Variants in FOXP2 observed in about 807,000 individuals in gnomAD.
FOXP2 encodes the protein forkhead box protein P2.
A neutral mutation model predicts 115.8 loss-of-function variants in FOXP2; 12 were observed. That is an observed-to-expected ratio of 0.10 (90% CI 0.07 to 0.17). The LOEUF (loss-of-function observed/expected upper bound fraction) is 0.17, where lower values mean the gene tolerates loss of function less well. Among genes scored for constraint, FOXP2 ranks in the 10% least tolerant of loss-of-function variants. The pLI, the probability that FOXP2 is intolerant of heterozygous loss-of-function variation, is 1.00. For synonymous variants in FOXP2, 328 were observed against 297.7 expected (o/e 1.10, Z -1.05); for missense variants, 629 against 843.5 (o/e 0.75, Z 3.15).
At chr7:114,483,223 A>G (rs1354727184) in intron 2 of FOXP2, among the ~76,000 whole-genome samples, 1 of 151,476 alleles carries the variant, frequency 6.6e-6, no homozygotes, top group Non-Finnish European at 1.5e-5. Flanking sequence ...CTGTCAGAAT[A>G]TCTACTTTCA....
intron 2 of FOXP2, among the ~76,000 whole-genome samples, chr7:114,343,840 G>T (rs192944584): frequency 5.9e-5 from 9 of 151,520 alleles, no homozygotes; most frequent in Admixed American, 1.3e-4. Flanking sequence ...GGTTTTCCCA[G>T]TTCAACTTGC....
chr7:114,191,036 G>A (rs187287899), intron 1 of FOXP2, among the ~76,000 whole-genome samples: 1 of 152,230 alleles, frequency 6.6e-6, no homozygotes, highest in African/African-American at 2.4e-5. Context: ...TTCTTGGTTT[G>A]TCCCCAGTGT....
intron 1 of FOXP2, among the ~76,000 whole-genome samples, chr7:114,137,546 G>A (rs910951800): frequency 4.6e-5 from 7 of 152,042 alleles, no homozygotes; most frequent in African/African-American, 1.4e-4. Flanking sequence ...AGCATTGTAA[G>A]CTTTTTGAGT....
At chr7:114,515,593 A>G (rs2129265366) in intron 2 of FOXP2, among the ~76,000 whole-genome samples, 1 of 151,636 alleles carries the variant, frequency 6.6e-6, no homozygotes, top group African/African-American at 2.4e-5. Flanking sequence ...AATTTGTTTG[A>G]GTTCATTGTA....
At chr7:114,224,564 A>G (rs185725800) in intron 1 of FOXP2, among the ~76,000 whole-genome samples, 75 of 152,310 alleles carry the variant, frequency 4.9e-4, no homozygotes, top group Non-Finnish European at 5.1e-4. Context: ...CATCACAGTT[A>G]TATTGCTTTT....
intron 1 of FOXP2, among the ~76,000 whole-genome samples, chr7:114,214,056 T>C (rs1794425108): frequency 6.6e-6 from 1 of 152,250 alleles, no homozygotes; most frequent in Non-Finnish European, 1.5e-5. Context: ...TAATTTTTCT[T>C]CTGAAATGTT....
intron 1 of FOXP2, among the ~76,000 whole-genome samples, chr7:114,200,511 C>G (rs751549225): frequency 1.9e-4 from 29 of 152,282 alleles, no homozygotes; most frequent in Non-Finnish European, 3.7e-4. Context: ...TTGAACTATT[C>G]TCTGGCAAAA....
chr7:114,648,035 T>G (rs1226627996), intron 8 of FOXP2, among the ~76,000 whole-genome samples: 1 of 152,044 alleles, frequency 6.6e-6, no homozygotes, highest in African/African-American at 2.4e-5. Flanking sequence ...CAGACTAAAT[T>G]TTTAAGGCTT....
At chr7:114,601,497 T>G (rs1328287673) in intron 3 of FOXP2, among the ~76,000 whole-genome samples, 1 of 152,120 alleles carries the variant, frequency 6.6e-6, no homozygotes, top group African/African-American at 2.4e-5. Flanking sequence ...TTTCTATTCT[T>G]AACGTTATTA....
chr7:114,124,085 T>A (rs1304751257), intron 1 of FOXP2, among the ~76,000 whole-genome samples: 1 of 152,078 alleles, frequency 6.6e-6, no homozygotes, highest in East Asian at 1.9e-4. Flanking sequence ...TCTCTCTCTG[T>A]TGCCTGTAAA....
intron 1 of FOXP2, among the ~76,000 whole-genome samples, chr7:114,111,451 G>T (rs552938323): frequency 6.6e-6 from 1 of 152,234 alleles, no homozygotes; most frequent in South Asian, 2.1e-4. Context: ...GAACCATGCA[G>T]CTAACACAGA....
chr7:114,455,578 T>C (rs971729685), intron 2 of FOXP2, among the ~76,000 whole-genome samples: 1 of 152,220 alleles, frequency 6.6e-6, no homozygotes, highest in Non-Finnish European at 1.5e-5. Context: ...TCTTCAGCTC[T>C]GTTACCCTCC....
intron 2 of FOXP2, among the ~76,000 whole-genome samples, chr7:114,348,316 T>C (rs1289468786): frequency 6.6e-6 from 1 of 152,082 alleles, no homozygotes; most frequent in East Asian, 1.9e-4. Flanking sequence ...TTTGACCTTT[T>C]CTTTTTTATC....
chr7:114,155,340 A>C (rs1237802846), intron 1 of FOXP2, among the ~76,000 whole-genome samples: 1 of 152,136 alleles, frequency 6.6e-6, no homozygotes, highest in African/African-American at 2.4e-5. Flanking sequence ...ATTAAAACAG[A>C]GATCTTAAGA....
intron 16 of FOXP2, among the ~76,000 whole-genome samples, chr7:114,680,125 C>T (rs912414623): frequency 1.3e-5 from 2 of 152,118 alleles, no homozygotes; most frequent in African/African-American, 2.4e-5. Flanking sequence ...ACTTCTTTTC[C>T]TCCAGTTGTC....
At chr7:114,124,573 C>T (rs565809641) in intron 1 of FOXP2, among the ~76,000 whole-genome samples, 97 of 152,078 alleles carry the variant, frequency 6.4e-4, no homozygotes, top group African/African-American at 2.0e-3. Context: ...TAAACTTTTA[C>T]GTATTTGTGC....
chr7:114,683,422 T>C (rs528743395), intron 16 of FOXP2, among the ~76,000 whole-genome samples: 2 of 152,286 alleles, frequency 1.3e-5, no homozygotes, highest in Admixed American at 1.3e-4. Context: ...TGTGTGTTTG[T>C]CTTTGCTGTG....
At chr7:114,401,295 C>T (rs1792881611) in intron 2 of FOXP2, among the ~76,000 whole-genome samples, 1 of 151,904 alleles carries the variant, frequency 6.6e-6, no homozygotes, top group Non-Finnish European at 1.5e-5. Context: ...ATATAATTAC[C>T]CAAGAACACC....
chr7:114,345,517 T>C (rs1329510424), intron 2 of FOXP2, among the ~76,000 whole-genome samples: 1 of 151,824 alleles, frequency 6.6e-6, no homozygotes, highest in African/African-American at 2.4e-5. Context: ...CTTAATGCTT[T>C]TTCTTTCTTT....
Sources: allele counts gnomAD v4.1 joint callset (sites outside exome capture counted in the v4.1 genomes callset), GRCh38; gene constraint gnomAD v4.1.1; transcripts MANE v1.5; gene names NCBI Gene and HGNC (gene_info 2026-07-23, HGNC 2026-07-21).